Variants in CTSB observed in about 807,000 individuals in gnomAD.
CTSB encodes the protein APP secretase.
In CTSB, 57 loss-of-function variants were observed where a neutral mutation model predicts 44.3. The ratio of observed to expected loss-of-function variants is 1.29; its 90% confidence interval spans 1.04 to 1.60. The LOEUF (loss-of-function observed/expected upper bound fraction) is 1.60, where lower values mean the gene tolerates loss of function less well. Ranked by LOEUF, CTSB falls within the 40% of genes most tolerant of loss-of-function variation. CTSB has a pLI of 0.00. For missense variants in CTSB, 768 were observed against 443.0 expected (o/e 1.73, Z -6.59); for synonymous variants, 320 against 168.0 (o/e 1.91, Z -7.00).
rs1812530830 is a variant in CTSB, at chr8:11,842,977, C to A, written c.*2148G>T. 1 of 116,630 alleles carries A rather than the reference C, an allele frequency of 8.6e-6. No individual in the cohort carries two copies. Among genetic ancestry groups the A allele is most frequent in the South Asian group, 2.9e-4 (1 of 3,450 alleles). The allele number at this position is 116,630 out of a possible 1,614,324, so 7.2% of individuals were successfully genotyped here. A position where few individuals can be genotyped will look rare whatever the true frequency, so the allele number is the denominator to read the frequency against. On this transcript the variant is annotated 3_prime_UTR_variant, in exon 10 of 10. Transcript: ENST00000353047. ...TTTTTTTTAATTATTGAGACGGAGC[C>A]TTGCGCTGTCACCGAGGCTGGAGTG...
At chr8:11,848,412 C>G (rs2131014132) in intron 5 of CTSB, 3 of 611,942 alleles carry the variant, frequency 4.9e-6, no homozygotes, top group Non-Finnish European at 6.1e-6. Context: ...ATGTCCATAC[C>G]AGACCAGGCT....
chr8:11,848,211 A>G (rs757216472), intron 5 of CTSB, 59 bp from the exon 6 acceptor site: 39 of 1,478,192 alleles, frequency 2.6e-5, no homozygotes, highest in Non-Finnish European at 3.6e-5. Flanking sequence ...TCTCCAGACC[A>G]CTGTGTGCTA....
intron 3 of CTSB, among the ~76,000 whole-genome samples, chr8:11,851,612 C>G (rs1814613844): frequency 6.6e-6 from 1 of 152,172 alleles, no homozygotes; most frequent in African/African-American, 2.4e-5. Flanking sequence ...GTTTCTTGCC[C>G]TGCTCTCCTG....
intron 2 of CTSB, among the ~76,000 whole-genome samples, 197 bp downstream of exon 2, chr8:11,853,132 C>A (rs899100280): frequency 6.6e-6 from 1 of 152,100 alleles, no homozygotes; most frequent in Non-Finnish European, 1.5e-5. Flanking sequence ...CACACACACT[C>A]ATGCACACAC....
In CTSB at chr8:11,849,111, C is replaced by T. The variant is rs779909553; in HGVS notation, c.381G>A (p.Ala127=). 6 of 1,613,550 alleles carry T rather than the reference C, an allele frequency of 3.7e-6. No homozygotes were observed. The highest frequency in any genetic ancestry group is 3.3e-4 in the Middle Eastern group (2 of 6,014). ...CCGCCGACACCTCCACGCTGACGTG[C>T]GCATTGGTGTGGATGCAGATCCGGT... ...ISDRICIHTN[A]HVSVEVSAED... Residue 127 remains alanine, a synonymous_variant, in exon 5 of 10, where the codon GCG becomes GCA. Coordinates refer to ENST00000353047, the MANE Select transcript of CTSB (RefSeq NM_001908.5).
intron 5 of CTSB, 151 bp downstream of exon 5, chr8:11,848,895 G>A: frequency 1.7e-6 from 1 of 580,916 alleles, no homozygotes. Context: ...CAGCAGCCTT[G>A]CCAGGCCCTG....
intron 1 of CTSB, chr8:11,854,589 C>G (rs1049660065): frequency 4.4e-5 from 5 of 112,408 alleles, no homozygotes; most frequent in African/African-American, 1.7e-4. Flanking sequence ...CTCCACCTCC[C>G]AGGTTCTTAG....
Position 11,847,042 on chromosome 8 carries a change from C to CAA in CTSB, c.793+9_793+10insTT. 1 of 1,186,948 alleles carries CAA rather than the reference C, an allele frequency of 8.4e-7. No homozygotes were observed. The highest frequency in any genetic ancestry group is 1.2e-6 in the Non-Finnish European group (1 of 808,436). The allele number at this position is 1,186,948 out of a possible 1,614,324, so 73.5% of individuals were successfully genotyped here. Reference sequence around the variant, plus strand: ...CCCACCCTCTATTGCCATCAGCCATCAGCACGCACCTGACTTGTAGAGCAG... The same window carrying CAA: ...CCCACCCTCTATTGCCATCAGCCATCAAAGCACGCACCTGACTTGTAGAGCAG... On this transcript the variant is annotated intron_variant, in intron 8 of 9. Transcript: ENST00000353047.
At chr8:11,854,294 G>T (rs1008921477) in intron 1 of CTSB, among the ~76,000 whole-genome samples, 2 of 152,116 alleles carry the variant, frequency 1.3e-5, no homozygotes, top group African/African-American at 2.4e-5. Flanking sequence ...GGGCTCCCAC[G>T]GGTGGGTGAG....
rs780820239 is a variant in CTSB, at chr8:11,853,411, G to A, written c.44C>T (p.Ala15Val). 3.7e-6 allele frequency: 6 copies of A among 1,612,698 alleles called. No individual in the cohort carries two copies. In the Admixed American group the frequency reaches 1.0e-4, roughly 27 times the overall value. Residue 15 changes from alanine (A) to valine (V), a missense_variant, in exon 2 of 10, where the codon GCC becomes GTC. Coordinates refer to ENST00000353047, the MANE Select transcript of CTSB (RefSeq NM_001908.5). Reference sequence around the variant, plus strand: ...GAAAGAGGGCCTGCTCCGGGCATTGGCCAACACCAGCAGGCAGCAGAGGGA... The same window carrying A: ...GAAAGAGGGCCTGCTCCGGGCATTGACCAACACCAGCAGGCAGCAGAGGGA... ...WASLCCLLVL[A>V]NARSRPSFHP...
intron 1 of CTSB, among the ~76,000 whole-genome samples, chr8:11,857,555 C>A (rs1218998861): frequency 6.6e-6 from 1 of 152,068 alleles, no homozygotes; most frequent in South Asian, 2.1e-4. Context: ...ATTTTAAAAC[C>A]AAGATTTCTT....
At chr8:11,845,476 C>G (rs1450736348) in intron 9 of CTSB, among the ~76,000 whole-genome samples, 185 bp downstream of exon 9, 2 of 152,234 alleles carry the variant, frequency 1.3e-5, no homozygotes, top group Non-Finnish European at 2.9e-5. Flanking sequence ...GGCTCTGAAG[C>G]TGCTCAGAGT....
intron 1 of CTSB, chr8:11,857,993 T>C (rs912276116): frequency 1.3e-5 from 2 of 152,248 alleles, no homozygotes; most frequent in Non-Finnish European, 2.9e-5. Context: ...AGACCTGCAT[T>C]TGGATCTGGC....
At chr8:11,858,358 G>A (rs576407012) in intron 1 of CTSB, among the ~76,000 whole-genome samples, 2 of 152,316 alleles carry the variant, frequency 1.3e-5, no homozygotes, top group East Asian at 3.9e-4. Context: ...GCAGTGGCAC[G>A]ATCATGGCTC....
chr8:11,860,608 G>C (rs1368099096), intron 1 of CTSB, among the ~76,000 whole-genome samples: 1 of 152,142 alleles, frequency 6.6e-6, no homozygotes, highest in Non-Finnish European at 1.5e-5. Context: ...TGGGCAACAA[G>C]AGGGAAACTC....
At chr8:11,863,359 T>C (rs1816691565) in intron 1 of CTSB, among the ~76,000 whole-genome samples, 2 of 151,758 alleles carry the variant, frequency 1.3e-5, no homozygotes, top group Admixed American at 1.3e-4. Flanking sequence ...CTCAGGGGGC[T>C]GAGGCAGGAG....
intron 1 of CTSB, among the ~76,000 whole-genome samples, chr8:11,860,080 A>T (rs1395592089): frequency 6.6e-6 from 1 of 152,150 alleles, no homozygotes; most frequent in Admixed American, 6.6e-5. Context: ...TCAGAGAAAA[A>T]AAAAGAAAGA....
chr8:11,845,719 C>T lies in CTSB; in HGVS notation c.864G>A (p.Glu288=), dbSNP rs747069365. ...HAIRILGWGV[E]NGTPYWLVAN... is the part of the protein sequence containing the mutation. The stretch of plus-strand genomic sequence containing the variant: ...CAACCAGCCAGTAGGGTGTGCCATT[C>T]TCCACTCCCCAGCCCAGGATGCGGA... The change falls in exon 9 of 10, where the codon GAG becomes GAA. Residue 288 remains glutamate, a synonymous_variant. Coordinates refer to ENST00000353047, the MANE Select transcript of CTSB (RefSeq NM_001908.5). 1.9e-6 allele frequency: 3 copies of T among 1,614,138 alleles called. No homozygotes were observed. The highest frequency in any genetic ancestry group is 2.5e-6 in the Non-Finnish European group (3 of 1,179,982).
intron 9 of CTSB, among the ~76,000 whole-genome samples, 198 bp downstream of exon 9, chr8:11,845,463 G>T (rs978601693): frequency 6.6e-6 from 1 of 152,192 alleles, no homozygotes; most frequent in Non-Finnish European, 1.5e-5. Context: ...TGTTGCAGGC[G>T]TTGGCTCTGA....
Sources: allele counts gnomAD v4.1 joint callset (sites outside exome capture counted in the v4.1 genomes callset), GRCh38; gene constraint gnomAD v4.1.1; transcripts MANE v1.5; gene names NCBI Gene and HGNC (gene_info 2026-07-23, HGNC 2026-07-21).